PPM1E: variants seen among roughly 807,000 people sequenced by gnomAD.
PPM1E encodes the protein protein phosphatase 1E.
A neutral mutation model predicts 65.9 loss-of-function variants in PPM1E; 20 were observed. The ratio of observed to expected loss-of-function variants is 0.30; its 90% CI spans 0.21 to 0.44. The LOEUF is 0.44. Ranked by LOEUF, PPM1E falls within the 20% of genes least tolerant of loss-of-function variation. PPM1E has a pLI of 1.00. For synonymous variants in PPM1E, 352 were observed against 374.9 expected (o/e 0.94, Z 0.70); for missense variants, 713 against 953.1 (o/e 0.75, Z 3.32).
intron 1 of PPM1E, among the ~76,000 whole-genome samples, chr17:58,776,044 T>A (rs2049991172): frequency 6.9e-6 from 1 of 144,106 alleles, no homozygotes; most frequent in African/African-American, 2.6e-5. Context: ...AATAAATAAA[T>A]AAAAAATAAA....
intron 1 of PPM1E, among the ~76,000 whole-genome samples, chr17:58,864,154 A>AC (rs2050973908): frequency 6.6e-6 from 1 of 151,908 alleles, no homozygotes; most frequent in African/African-American, 2.4e-5. Flanking sequence ...TGTCTCAAAA[A>AC]AAAAAAATTC....
At chr17:58,912,803 G>A (rs914374680) in intron 1 of PPM1E, among the ~76,000 whole-genome samples, 6 of 152,176 alleles carry the variant, frequency 3.9e-5, no homozygotes, top group Admixed American at 1.3e-4. Context: ...ATCCAGGAAA[G>A]GGAGAGGAGC....
Position 58,980,923 on chromosome 17 carries a change from G to A in PPM1E, c.2160G>A (p.Leu720=), listed in dbSNP as rs373100347. 2.2e-5 allele frequency: 36 copies of A among 1,614,046 alleles called. No individual in the cohort carries two copies. Among genetic ancestry groups the A allele is most frequent in the Non-Finnish European group, 3.1e-5 (36 of 1,179,994 alleles). Residue 720 remains leucine, a synonymous_variant, in exon 7 of 7, where the codon CTG becomes CTA. Coordinates refer to ENST00000308249, the MANE Select transcript of PPM1E (RefSeq NM_014906.5). The surrounding 1 kb of genome is among the most constrained non-coding windows in gnomAD (Gnocchi z 4.7). ...AGAGAAATAGGATAAGAAGTTCTCTGCCATGGAGGCAAAATAGTTGGAAAG... is the reference window on the plus strand; with the variant it reads ...AGAGAAATAGGATAAGAAGTTCTCTACCATGGAGGCAAAATAGTTGGAAAG... ...SGKRNRIRSS[L]PWRQNSWKGY...
chr17:58,912,143 G>A (rs528252750), intron 1 of PPM1E, among the ~76,000 whole-genome samples: 31 of 152,078 alleles, frequency 2.0e-4, no homozygotes, highest in Non-Finnish European at 2.9e-4. Context: ...GGAGGGAGGG[G>A]GTAGGAGTGG....
intron 6 of PPM1E, among the ~76,000 whole-genome samples, chr17:58,979,319 A>G (rs115072330): frequency 0.019 from 2,949 of 152,276 alleles, 93 homozygotes; most frequent in African/African-American, 0.067. Context: ...ATAGAAAGCC[A>G]AGTGGGTTGG....
At chr17:58,919,943 A>G (rs1363219025) in intron 1 of PPM1E, among the ~76,000 whole-genome samples, 1 of 152,188 alleles carries the variant, frequency 6.6e-6, no homozygotes, top group East Asian at 1.9e-4. Flanking sequence ...CTATGGGGTC[A>G]GGGGAGGGCA....
intron 1 of PPM1E, among the ~76,000 whole-genome samples, chr17:58,889,850 A>T (rs1323657230): frequency 6.6e-6 from 1 of 152,212 alleles, no homozygotes; most frequent in Non-Finnish European, 1.5e-5. Flanking sequence ...ATGGTTTTAA[A>T]GGCTATGCAT....
chr17:58,879,501 CTTTT>C (rs71367639), intron 1 of PPM1E, among the ~76,000 whole-genome samples: 12 of 88,806 alleles, frequency 1.4e-4, no homozygotes, highest in African/African-American at 5.5e-4. Flanking sequence ...CTGAGATTAA[CTTTT>C]TTTTTTTTTT....
intron 1 of PPM1E, among the ~76,000 whole-genome samples, chr17:58,830,292 G>GTTATTATTATTATTA (rs376605107): frequency 0.045 from 6,660 of 146,762 alleles, 167 homozygotes; most frequent in African/African-American, 0.053. Context: ...TGTTGTTGTT[G>GTTATTATTATTATTA]TTATTATTAT....
At chr17:58,759,242 T>C (rs2049799705) in intron 1 of PPM1E, among the ~76,000 whole-genome samples, 1 of 151,086 alleles carries the variant, frequency 6.6e-6, no homozygotes. Flanking sequence ...TGAGTGACAG[T>C]GAGACGTTGT....
intron 2 of PPM1E, among the ~76,000 whole-genome samples, chr17:58,963,384 T>G (rs1275422689): frequency 9.2e-6 from 1 of 108,862 alleles, no homozygotes; most frequent in Non-Finnish European, 1.8e-5. Context: ...TGAAACTCTG[T>G]CTCAAAAAAA....
At chr17:58,853,154 A>G (rs948466016) in intron 1 of PPM1E, among the ~76,000 whole-genome samples, 2 of 152,098 alleles carry the variant, frequency 1.3e-5, no homozygotes, top group Non-Finnish European at 2.9e-5. Context: ...CTTTGATGTC[A>G]TATCTAAGAA....
chr17:58,933,190 T>G (rs939753115), intron 1 of PPM1E, among the ~76,000 whole-genome samples: 1 of 152,188 alleles, frequency 6.6e-6, no homozygotes, highest in African/African-American at 2.4e-5. Flanking sequence ...AAGTGACACA[T>G]GACTGTAATT....
chr17:58,882,769 A>G (rs1294817844), intron 1 of PPM1E, among the ~76,000 whole-genome samples: 2 of 151,940 alleles, frequency 1.3e-5, no homozygotes. Context: ...CCACTTCATA[A>G]TGTTCCACAG....
At chr17:58,814,484 A>G (rs1294495612) in intron 1 of PPM1E, among the ~76,000 whole-genome samples, 2 of 152,212 alleles carry the variant, frequency 1.3e-5, no homozygotes, top group African/African-American at 4.8e-5. Flanking sequence ...TCTGGATTTG[A>G]AGGCTAACTT....
intron 1 of PPM1E, among the ~76,000 whole-genome samples, chr17:58,852,186 C>A (rs1325217766): frequency 6.6e-6 from 1 of 152,150 alleles, no homozygotes; most frequent in Non-Finnish European, 1.5e-5. Flanking sequence ...GTCACGGCTT[C>A]CCTTTGCTAG....
At position 58,769,610 on chromosome 17, in the gene PPM1E, T is replaced by G. The variant is rs537619050; in HGVS notation, c.464+13149T>G. Among the ~76,000 whole-genome samples, 19 of 152,186 alleles carry G rather than the reference T, an allele frequency of 1.2e-4. No homozygotes were observed. The South Asian group carries it at 3.3e-3, about 27-fold the overall frequency. On this transcript the variant is annotated intron_variant, in intron 1 of 6. Coordinates refer to ENST00000308249, the MANE Select transcript of PPM1E (RefSeq NM_014906.5). Reference sequence around the variant, plus strand: ...CAGCCTGAGTGATAGAGCCAGACCTTGTCTCAAAAAGTATATATAAAAATG... The same window carrying G: ...CAGCCTGAGTGATAGAGCCAGACCTGGTCTCAAAAAGTATATATAAAAATG...
At chr17:58,900,651 G>A (rs1018014512) in intron 1 of PPM1E, among the ~76,000 whole-genome samples, 1 of 152,054 alleles carries the variant, frequency 6.6e-6, no homozygotes, top group African/African-American at 2.4e-5. Context: ...CTTTATTGTG[G>A]TAACCTGGAG....
intron 6 of PPM1E, among the ~76,000 whole-genome samples, chr17:58,977,452 A>G (rs1215816531): frequency 6.6e-6 from 1 of 152,008 alleles, no homozygotes; most frequent in African/African-American, 2.4e-5. Flanking sequence ...AAAAAAAAAA[A>G]AAAAGAAATA....
Sources: gnomAD v4.1 joint callset for allele counts (sites outside exome capture counted in the v4.1 genomes callset) on GRCh38, gnomAD v4.1.1 for gene constraint, Gnocchi (gnomAD v3.1) non-coding constraint, MANE v1.5 for transcripts, NCBI Gene and HGNC (gene_info 2026-07-23, HGNC 2026-07-21) for gene names.